The following ALG9 variants were observed in gnomAD, a reference collection of about 807,000 sequenced individuals.
The protein encoded by ALG9 is ALG9 alpha-1,2-mannosyltransferase, also known as alpha-1,2-mannosyltransferase ALG9.
A neutral mutation model predicts 81.8 loss-of-function variants in ALG9; 55 were observed. The observed-to-expected ratio is 0.67, with a 90% confidence interval of 0.54 to 0.84. The LOEUF (loss-of-function observed/expected upper bound fraction) is 0.84, where lower values mean the gene tolerates loss of function less well. Ranked by LOEUF, ALG9 falls within the 40% of genes least tolerant of loss-of-function variation. The pLI is 0.00. For synonymous variants in ALG9, 278 were observed against 274.3 expected, an observed-to-expected ratio of 1.01 and a Z score of -0.13; for missense variants, 629 against 745.0, an observed-to-expected ratio of 0.84 and a Z score of 1.81.
intron 14 of ALG9, chr11:111,805,396 A>G: frequency 2.2e-6 from 1 of 447,416 alleles, no homozygotes; most frequent in South Asian, 1.6e-5. Context: ...GACCAATGTC[A>G]AAACTTGGAA....
intron 13 of ALG9, among the ~76,000 whole-genome samples, chr11:111,834,274 G>A (rs1374950756): frequency 2.0e-5 from 3 of 152,192 alleles, no homozygotes; most frequent in African/African-American, 7.2e-5. Flanking sequence ...AGACACAAGG[G>A]TAGTTCAGGC....
At chr11:111,853,507 T>G in intron 7 of ALG9, 22 bp from the exon 8 acceptor site, 1 of 1,602,588 alleles carries the variant, frequency 6.2e-7, no homozygotes, top group Non-Finnish European at 8.5e-7. Context: ...CAGAAAATAG[T>G]TTTGATCTAG....
At chr11:111,842,307 G>C (rs1181818700) in intron 9 of ALG9, among the ~76,000 whole-genome samples, 1 of 151,934 alleles carries the variant, frequency 6.6e-6, no homozygotes, top group Non-Finnish European at 1.5e-5. Context: ...TTTTTAATAA[G>C]GCAAAAAATT....
At chr11:111,803,241 C>A (rs1555081986) in intron 14 of ALG9, among the ~76,000 whole-genome samples, 2 of 152,234 alleles carry the variant, frequency 1.3e-5, no homozygotes, top group African/African-American at 4.8e-5. Context: ...GTAGCTCATG[C>A]CTGTAATCCC....
intron 13 of ALG9, among the ~76,000 whole-genome samples, chr11:111,820,920 GCACACACA>G (rs58305552): frequency 1.4e-5 from 2 of 146,262 alleles, no homozygotes; most frequent in Admixed American, 6.9e-5. Flanking sequence ...AAACACGCGC[GCACACACA>G]CACACACACA....
intron 13 of ALG9, among the ~76,000 whole-genome samples, chr11:111,812,930 A>AAAAAAAAAAAAAG (rs1304441765): frequency 6.6e-6 from 1 of 150,998 alleles, no homozygotes; most frequent in African/African-American, 2.4e-5. Context: ...AAAAAAAAAA[A>AAAAAAAAAAAAAG]AAAGAAATTA....
chr11:111,871,496 A>G lies in ALG9; in HGVS notation c.-14T>C. The stretch of plus-strand genomic sequence containing the variant: ...TCGACTAGCCATGGCAAGCCTGGGG[A>G]AAAAAGAATTCGGCACCCTATGAAG... On this transcript the variant is annotated 5_prime_UTR_variant, in exon 1 of 15. Transcript: ENST00000616540. The G allele has an allele frequency of 6.5e-7, 1 of 1,536,004 alleles. No homozygotes were observed. Among genetic ancestry groups the G allele is most frequent in the Non-Finnish European group, 8.7e-7 (1 of 1,146,386 alleles).
chr11:111,791,088 C>T (rs1947333519), intron 14 of ALG9, among the ~76,000 whole-genome samples: 1 of 151,930 alleles, frequency 6.6e-6, no homozygotes, highest in Non-Finnish European at 1.5e-5. Flanking sequence ...TGTTTTAAAA[C>T]CAGTAGACAA....
In ALG9 at chr11:111,784,710, T is replaced by A. The variant is rs367569393; in HGVS notation, c.*1687A>T. ...TCCAGCATGGGCGACAGAATGAGAC[T>A]CTGTCTCAAAAAAAAAAAGAAAAAT... On this transcript the variant is annotated 3_prime_UTR_variant, in exon 15 of 15. Transcript: ENST00000616540. 2.7e-5 allele frequency: 4 copies of A among 150,360 alleles called. No individual in the cohort carries two copies. In the East Asian group the frequency reaches 7.7e-4, roughly 29 times the overall value. 9.3% of individuals were successfully genotyped at this position (150,360 alleles called of 1,614,324 possible). A position where few individuals can be genotyped will look rare whatever the true frequency, so the allele number is the denominator to read the frequency against.
At position 111,863,713 on chromosome 11, in the gene ALG9, T is replaced by C. The variant is rs971395595; in HGVS notation, c.476+1468A>G. ...CACTTAAATGCTTAATAGTCCCAACTAATATTCAATCAACTAATAGGTACT... is the reference window on the plus strand; with the variant it reads ...CACTTAAATGCTTAATAGTCCCAACCAATATTCAATCAACTAATAGGTACT... On this transcript the variant is annotated intron_variant, in intron 4 of 14. Transcript: ENST00000616540. Among the ~76,000 whole-genome samples, 3 of 152,360 alleles carry C rather than the reference T, an allele frequency of 2.0e-5. No homozygotes were observed. The East Asian group carries it at 5.8e-4, about 29-fold the overall frequency.
At chr11:111,856,625 C>CTT (rs148667520) in intron 6 of ALG9, among the ~76,000 whole-genome samples, 8 of 137,154 alleles carry the variant, frequency 5.8e-5, no homozygotes, top group African/African-American at 1.6e-4. Flanking sequence ...CTGGTACTTA[C>CTT]TTTTTTTTTT....
Position 111,786,232 on chromosome 11 carries a change from G to A in ALG9, c.*165C>T. The A allele has an allele frequency of 8.8e-7, 1 of 1,132,854 alleles. No homozygotes were observed. The highest frequency in any genetic ancestry group is 1.3e-6 in the Non-Finnish European group (1 of 759,614). 70.2% of individuals were successfully genotyped at this position (1,132,854 alleles called of 1,614,324 possible). On this transcript the variant is annotated 3_prime_UTR_variant, in exon 15 of 15. Transcript: ENST00000616540. ...ACACACAGGGAGCAAATGTGACTTTGATTAGACTTTGAAATAGACTTTGAC... is the reference window on the plus strand; with the variant it reads ...ACACACAGGGAGCAAATGTGACTTTAATTAGACTTTGAAATAGACTTTGAC...
chr11:111,770,524 C>T, the ALG9 span, among the ~76,000 whole-genome samples: 1 of 150,906 alleles, frequency 6.6e-6, no homozygotes, highest in Non-Finnish European at 1.5e-5. Context: ...CCTGTCTCTA[C>T]CAGAAAAAAA....
At chr11:111,870,199 G>A (rs1555156988) in intron 2 of ALG9, 33 bp downstream of exon 2, 21 of 1,600,928 alleles carry the variant, frequency 1.3e-5, no homozygotes, top group African/African-American at 2.7e-5. Flanking sequence ...GCAAAATCAA[G>A]AACAAAAAGA....
chr11:111,821,507 G>A (rs1555103668), intron 13 of ALG9, among the ~76,000 whole-genome samples: 1 of 152,196 alleles, frequency 6.6e-6, no homozygotes, highest in Admixed American at 6.5e-5. Flanking sequence ...TCCCTTGGCT[G>A]TAGTTTTGCT....
intron 13 of ALG9, among the ~76,000 whole-genome samples, chr11:111,827,025 A>G (rs1349965731): frequency 2.6e-5 from 4 of 152,180 alleles, no homozygotes; most frequent in Non-Finnish European, 5.9e-5. Flanking sequence ...TCTCTTTTAA[A>G]AGCACAAATA....
At chr11:111,818,151 T>C (rs1324501789) in intron 13 of ALG9, among the ~76,000 whole-genome samples, 3 of 152,258 alleles carry the variant, frequency 2.0e-5, no homozygotes, top group African/African-American at 7.2e-5. Context: ...CAGTAAAGAA[T>C]AGGTTTGGGT....
chr11:111,787,483 G>A (rs1391535212), intron 14 of ALG9, among the ~76,000 whole-genome samples: 1 of 151,926 alleles, frequency 6.6e-6, no homozygotes, highest in Non-Finnish European at 1.5e-5. Flanking sequence ...TTGAGACGGA[G>A]TCTTGCTCTG....
At chr11:111,812,211 A>G (rs1950821426) in intron 13 of ALG9, among the ~76,000 whole-genome samples, 2 of 152,214 alleles carry the variant, frequency 1.3e-5, no homozygotes, top group Non-Finnish European at 2.9e-5. Context: ...TTGAAACTCA[A>G]CAAGCGGATT....
Sources: allele counts gnomAD v4.1 joint callset (sites outside exome capture counted in the v4.1 genomes callset), GRCh38; gene constraint gnomAD v4.1.1; transcripts MANE v1.5; gene names NCBI Gene and HGNC (gene_info 2026-07-23, HGNC 2026-07-21).